The following TRIP12 variants were observed in gnomAD, a reference collection of about 807,000 sequenced individuals.
TRIP12 encodes thyroid hormone receptor interactor 12, also known as E3 ubiquitin-protein ligase TRIP12.
In TRIP12, 25 loss-of-function variants were observed where a neutral mutation model predicts 244.2. The ratio of observed to expected loss-of-function variants is 0.10; its 90% confidence interval spans 0.07 to 0.14. The LOEUF (loss-of-function observed/expected upper bound fraction) is 0.14, where lower values mean the gene tolerates loss of function less well. TRIP12 is among the 10% of genes least tolerant of loss of function. The probability of loss-of-function intolerance (pLI) is 1.00; values close to 1 mark genes in which losing one functional copy is unlikely to be tolerated. For synonymous variants in TRIP12, 905 were observed against 873.1 expected (o/e 1.04, Z -0.64); for missense variants, 1,677 against 2,486.4 (o/e 0.67, Z 6.92).
rs182997242 is a variant in TRIP12, at chr2:229,863,924, T to C, written c.99-3393A>G. On this transcript the variant is annotated intron_variant, in intron 2 of 41. Transcript: ENST00000675903. Reference sequence around the variant, plus strand: ...TATAAATAAAATTTGTAGAACAGTATAGTAAAATGCATGACAAACTCTTTT... The same window carrying C: ...TATAAATAAAATTTGTAGAACAGTACAGTAAAATGCATGACAAACTCTTTT... Among the ~76,000 whole-genome samples the C allele has an allele frequency of 2.1e-4, 32 of 152,008 alleles. 2 individuals carry two copies. The East Asian group carries it at 3.5e-3, about 17-fold the overall frequency.
At position 229,797,581 on chromosome 2, in the gene TRIP12, T is replaced by C. The variant is rs2043134105; in HGVS notation, c.3624+109A>G. 7 of 1,383,704 alleles carry C rather than the reference T, an allele frequency of 5.1e-6. No homozygotes were observed. In the South Asian group the frequency reaches 8.8e-5, roughly 17 times the overall value. The allele number at this position is 1,383,704 out of a possible 1,614,324, so 85.7% of individuals were successfully genotyped here. The stretch of plus-strand genomic sequence containing the variant: ...AGGGTGTATATAAGGTAAAAGTCGA[T>C]GTAGGATAGCTAAATCCATAGGAAG... On this transcript the variant is annotated intron_variant, in intron 24 of 41. Coordinates refer to ENST00000675903, the MANE Select transcript of TRIP12 (RefSeq NM_001348323.3).
chr2:229,817,325 T>C (rs2048746538), intron 9 of TRIP12, among the ~76,000 whole-genome samples: 1 of 152,240 alleles, frequency 6.6e-6, no homozygotes, highest in African/African-American at 2.4e-5. Flanking sequence ...TGTTTGTCTT[T>C]TGGTAGTGTT....
At chr2:229,793,593 C>T (rs1042906413) in intron 26 of TRIP12, among the ~76,000 whole-genome samples, 1 of 152,014 alleles carries the variant, frequency 6.6e-6, no homozygotes, top group African/African-American at 2.4e-5. Context: ...TAAAAACTAA[C>T]CTTTAAAATT....
At chr2:229,796,325 C>T (rs1211925421) in intron 25 of TRIP12, among the ~76,000 whole-genome samples, 2 of 152,172 alleles carry the variant, frequency 1.3e-5, no homozygotes, top group African/African-American at 4.8e-5. Flanking sequence ...TGAGAGACTA[C>T]TATTAATGGC....
chr2:229,859,579 G>A lies in TRIP12; in HGVS notation c.225-5C>T. The A allele has an allele frequency of 6.2e-7, 1 of 1,607,746 alleles. No homozygotes were observed. The highest frequency in any genetic ancestry group is 8.5e-7 in the Non-Finnish European group (1 of 1,177,030). On this transcript the variant is annotated splice_region_variant and splice_polypyrimidine_tract_variant and intron_variant, in intron 3 of 41. Transcript: ENST00000675903. ...GCAGATGATGAACTGCAGCTTCTAA[G>A]AGGTTAGATAAGAAAACAGTTAATA...
rs11883707 is a variant in TRIP12 at position 229,766,730 on chromosome 2, C to A, written c.*824G>T. 6.6e-6 allele frequency: 1 copy of A among 152,170 alleles called. No individual in the cohort carries two copies. The highest frequency in any genetic ancestry group is 1.5e-5 in the Non-Finnish European group (1 of 68,028). 9.4% of individuals were successfully genotyped at this position (152,170 alleles called of 1,614,324 possible). A position where few individuals can be genotyped will look rare whatever the true frequency, so the allele number is the denominator to read the frequency against. Reference sequence around the variant, plus strand: ...CCAGCCCAAGCTGTAGACTTCTTAACCTTCATAAAAGAAACAAATGAGCTT... The same window carrying A: ...CCAGCCCAAGCTGTAGACTTCTTAAACTTCATAAAAGAAACAAATGAGCTT... On this transcript the variant is annotated 3_prime_UTR_variant, in exon 42 of 42. Transcript: ENST00000675903.
At chr2:229,807,951 C>T in intron 16 of TRIP12, 87 bp from the exon 17 acceptor site, 2 of 1,409,302 alleles carry the variant, frequency 1.4e-6, no homozygotes, top group Non-Finnish European at 1.9e-6. Context: ...CTCACACAAA[C>T]CAAAAGTTGT....
intron 4 of TRIP12, among the ~76,000 whole-genome samples, chr2:229,858,487 G>C (rs1050888124): frequency 6.6e-6 from 1 of 152,166 alleles, no homozygotes; most frequent in Non-Finnish European, 1.5e-5. Flanking sequence ...CCTGATATTA[G>C]GAAATCAGTG....
At position 229,771,646 on chromosome 2, in the gene TRIP12, GT is replaced by G. The variant is rs1316859896; in HGVS notation, c.5695-15del. ...GAATATAACCAGCTGCAAAAAGAAA[GT>G]TTTCAAAAAACTGTGACAAGATTTC... On this transcript the variant is annotated splice_polypyrimidine_tract_variant and intron_variant, in intron 38 of 41. Coordinates refer to ENST00000675903, the MANE Select transcript of TRIP12 (RefSeq NM_001348323.3). 1 of 1,599,538 alleles carries G rather than the reference GT, an allele frequency of 6.3e-7. No individual in the cohort carries two copies. Among genetic ancestry groups the G allele is most frequent in the African/African-American group, 1.3e-5 (1 of 74,556 alleles).
At chr2:229,808,802 C>T (rs113980223) in intron 15 of TRIP12, among the ~76,000 whole-genome samples, 7 of 152,306 alleles carry the variant, frequency 4.6e-5, no homozygotes, top group Non-Finnish European at 7.4e-5. Flanking sequence ...GTAACTGAAT[C>T]TTATTGTATT....
At chr2:229,835,006 C>A (rs1160953302) in intron 6 of TRIP12, among the ~76,000 whole-genome samples, 2 of 152,310 alleles carry the variant, frequency 1.3e-5, no homozygotes, top group East Asian at 3.9e-4. Flanking sequence ...CAAACCTATA[C>A]ACCATACTAA....
At chr2:229,909,635 C>T (rs1317567047) in intron 1 of TRIP12, among the ~76,000 whole-genome samples, 1 of 150,996 alleles carries the variant, frequency 6.6e-6, no homozygotes, top group Non-Finnish European at 1.5e-5. Flanking sequence ...AGGAGGACTG[C>T]ATGAGGCCAG....
intron 36 of TRIP12, 54 bp from the exon 37 acceptor site, chr2:229,777,533 CCTCCATCT>C (rs2036653194): frequency 1.9e-6 from 3 of 1,582,998 alleles, no homozygotes; most frequent in Non-Finnish European, 2.6e-6. Context: ...TCCAGCATTA[CCTCCATCT>C]AAGGCACTTC....
At chr2:229,877,928 A>G (rs1171190053) in intron 2 of TRIP12, among the ~76,000 whole-genome samples, 1 of 152,248 alleles carries the variant, frequency 6.6e-6, no homozygotes, top group Non-Finnish European at 1.5e-5. Flanking sequence ...AAAATCAGTC[A>G]CATGAAGTTG....
In TRIP12 at chr2:229,796,575, T is replaced by C. The variant is rs889378618; in HGVS notation, c.3816+16A>G. The C allele has an allele frequency of 6.4e-7, 1 of 1,561,974 alleles. No individual in the cohort carries two copies. On this transcript the variant is annotated intron_variant, in intron 25 of 41. Coordinates refer to ENST00000675903, the MANE Select transcript of TRIP12 (RefSeq NM_001348323.3). ...CTGATTCTTAAAAGATACACAGGCA[T>C]TATTAGATAACTTACTGGAGAAGAA...
Position 229,780,739 on chromosome 2 carries a change from T to A in TRIP12, c.5095-1749A>T, listed in dbSNP as rs184392730. Reference sequence around the variant, plus strand: ...ACTGCCCTACGCATCCCCATAATGCTTCATCCTCTTATTTTTACTTTTCTT... The same window carrying A: ...ACTGCCCTACGCATCCCCATAATGCATCATCCTCTTATTTTTACTTTTCTT... On this transcript the variant is annotated intron_variant, in intron 34 of 41. Coordinates refer to ENST00000675903, the MANE Select transcript of TRIP12 (RefSeq NM_001348323.3). Among the ~76,000 whole-genome samples, 75 of 152,314 alleles carry A rather than the reference T, an allele frequency of 4.9e-4. 1 individual carries two copies. Among genetic ancestry groups the A allele is most frequent in the South Asian group, 3.3e-3 (16 of 4,826 alleles).
chr2:229,915,324 G>C (rs982281249), intron 1 of TRIP12, among the ~76,000 whole-genome samples: 1 of 152,118 alleles, frequency 6.6e-6, no homozygotes, highest in African/African-American at 2.4e-5. Flanking sequence ...CAATTAAAGA[G>C]TAACAAAATG....
intron 2 of TRIP12, among the ~76,000 whole-genome samples, chr2:229,873,114 T>C (rs1042106660): frequency 6.6e-6 from 1 of 152,210 alleles, no homozygotes; most frequent in Non-Finnish European, 1.5e-5. Flanking sequence ...ACCTCATTAC[T>C]AGAGAAACAG....
chr2:229,920,695 A>G (rs1401320984), intron 1 of TRIP12, among the ~76,000 whole-genome samples: 1 of 152,102 alleles, frequency 6.6e-6, no homozygotes, highest in Non-Finnish European at 1.5e-5. Flanking sequence ...GTCCCCCACC[A>G]GGAGTTCAAA....
Sources: gnomAD v4.1 joint callset for allele counts (sites outside exome capture counted in the v4.1 genomes callset) on GRCh38, gnomAD v4.1.1 for gene constraint, MANE v1.5 for transcripts, NCBI Gene and HGNC (gene_info 2026-07-23, HGNC 2026-07-21) for gene names.